The following ANO4 variants were observed in gnomAD, a reference collection of about 807,000 sequenced individuals.
ANO4 encodes anoctamin 4.
In ANO4, 69 loss-of-function variants were observed where a neutral mutation model predicts 141.9. The observed-to-expected ratio is 0.49, with a 90% CI of 0.40 to 0.59. ANO4 has a LOEUF of 0.59. ANO4 is among the 20% of genes least tolerant of loss of function. ANO4 has a pLI of 0.00. For missense variants in ANO4, 894 were observed against 1,162.2 expected (o/e 0.77, Z 3.36); for synonymous variants, 350 against 394.3 (o/e 0.89, Z 1.33).
intron 1 of ANO4, among the ~76,000 whole-genome samples, chr12:100,886,181 C>T (rs570236225): frequency 6.6e-6 from 1 of 152,142 alleles, no homozygotes; most frequent in East Asian, 1.9e-4. Flanking sequence ...TGAAGTAGAA[C>T]AGTATTCTTA....
At chr12:100,972,946 A>G (rs1408643629) in intron 6 of ANO4, among the ~76,000 whole-genome samples, 2 of 152,244 alleles carry the variant, frequency 1.3e-5, no homozygotes, top group African/African-American at 4.8e-5. Context: ...CATCATGAAT[A>G]ACACTTCTGC....
intron 5 of ANO4, among the ~76,000 whole-genome samples, chr12:100,960,757 T>C (rs1199807611): frequency 6.6e-6 from 1 of 152,214 alleles, no homozygotes; most frequent in Non-Finnish European, 1.5e-5. Flanking sequence ...TAGCGATTCA[T>C]GGGTTACTGA....
chr12:101,029,907 TAAA>T (rs59678820), intron 9 of ANO4, among the ~76,000 whole-genome samples: 3 of 96,200 alleles, frequency 3.1e-5, no homozygotes, highest in Admixed American at 2.3e-4. Context: ...AGTCTCCGTC[TAAA>T]AAAAAAAAAA....
intron 5 of ANO4, among the ~76,000 whole-genome samples, chr12:100,963,478 G>A (rs2043513218): frequency 6.6e-6 from 1 of 151,920 alleles, no homozygotes; most frequent in South Asian, 2.1e-4. Flanking sequence ...CCAGGACACT[G>A]TGTGTGTGTG....
chr12:100,782,806 G>A (rs915638528), intron 3 of ANO4, among the ~76,000 whole-genome samples: 2 of 152,148 alleles, frequency 1.3e-5, no homozygotes, highest in East Asian at 3.9e-4. Context: ...TATCCAAAGT[G>A]TACTGAGGCT....
chr12:101,069,098 G>C lies in ANO4; in HGVS notation c.1313-10095G>C. On this transcript the variant is annotated intron_variant, in intron 14 of 27. Coordinates refer to ENST00000392977, the MANE Select transcript of ANO4 (RefSeq NM_001286615.2). The stretch of plus-strand genomic sequence containing the variant: ...ATAGCTTTCCAAATCTGCAAAGGAA[G>C]AACTGATAAATTTCAAACGGAAGAA... 2.6e-6 allele frequency: 3 copies of C among 1,155,400 alleles called. No homozygotes were observed. The South Asian group carries it at 3.7e-5, about 14-fold the overall frequency. The allele number at this position is 1,155,400 out of a possible 1,614,324, so 71.6% of individuals were successfully genotyped here.
intron 1 of ANO4, among the ~76,000 whole-genome samples, chr12:100,851,350 T>C (rs2037862109): frequency 6.6e-6 from 1 of 152,180 alleles, no homozygotes; most frequent in African/African-American, 2.4e-5. Context: ...TAAATATCTA[T>C]CCCTGCCTAT....
In ANO4 at chr12:101,083,918, T is replaced by C. The variant is rs765139904; in HGVS notation, c.1536+100T>C. On this transcript the variant is annotated intron_variant, in intron 16 of 27. Coordinates refer to ENST00000392977, the MANE Select transcript of ANO4 (RefSeq NM_001286615.2). ...ATTTGCATTGTTCTACAAAATATTT[T>C]TGCACTTTGTTATTTATTCCTCACA... is the stretch of plus-strand genomic sequence containing the variant. 248 of 1,186,164 alleles carry C rather than the reference T, an allele frequency of 2.1e-4. No individual in the cohort carries two copies. In the Middle Eastern group the frequency reaches 2.2e-3, roughly 10 times the overall value. 73.5% of individuals were successfully genotyped at this position (1,186,164 alleles called of 1,614,324 possible).
chr12:101,125,341 G>A (rs974395284), intron 26 of ANO4, among the ~76,000 whole-genome samples: 1 of 152,106 alleles, frequency 6.6e-6, no homozygotes, highest in African/African-American at 2.4e-5. Flanking sequence ...TGCTGAAGTT[G>A]CTTATCAGCT....
intron 3 of ANO4, among the ~76,000 whole-genome samples, chr12:100,746,377 C>T (rs762548906): frequency 7.9e-5 from 12 of 150,964 alleles, no homozygotes; most frequent in African/African-American, 2.7e-4. Flanking sequence ...TGCTTGAACC[C>T]GGCAGGCGGA....
chr12:101,022,059 A>C (rs1001598761), intron 9 of ANO4, among the ~76,000 whole-genome samples: 2 of 147,710 alleles, frequency 1.4e-5, no homozygotes, highest in Admixed American at 6.8e-5. Context: ...AAAAAAAAAA[A>C]ACACCTACTT....
rs755019439 is a variant in ANO4 at position 100,901,754 on chromosome 12, C to T, written c.-32C>T. ...CGTCGCCTGCCTGTGGTCAGGCATT[C>T]CTCACTCCCACCAGGCAGAAGGTCA... On this transcript the variant is annotated 5_prime_UTR_variant, in exon 2 of 28. Transcript: ENST00000392977. 1.9e-6 allele frequency: 3 copies of T among 1,608,320 alleles called. No homozygotes were observed. Among genetic ancestry groups the T allele is most frequent in the South Asian group, 2.2e-5 (2 of 90,946 alleles).
chr12:101,114,202 A>C (rs1445348189), intron 24 of ANO4, among the ~76,000 whole-genome samples: 1 of 152,210 alleles, frequency 6.6e-6, no homozygotes, highest in Non-Finnish European at 1.5e-5. Flanking sequence ...CTTGCATGCC[A>C]CTAGCTGAAT....
chr12:100,907,719 A>G (rs1201406935), intron 2 of ANO4, among the ~76,000 whole-genome samples: 1 of 152,332 alleles, frequency 6.6e-6, no homozygotes, highest in Admixed American at 6.5e-5. Flanking sequence ...TAAGAAACTC[A>G]TCCCTAGCTA....
At chr12:100,860,951 A>C (rs559235381) in intron 1 of ANO4, among the ~76,000 whole-genome samples, 1 of 152,202 alleles carries the variant, frequency 6.6e-6, no homozygotes, top group Non-Finnish European at 1.5e-5. Context: ...ACAGCTCTTA[A>C]AGATGGCACA....
chr12:101,121,685 C>A (rs11110667), intron 26 of ANO4, among the ~76,000 whole-genome samples: 7,671 of 151,598 alleles, frequency 0.051, 620 homozygotes, highest in African/African-American at 0.17. Context: ...ACTAATTTAC[C>A]TTTCCACCAA....
At position 100,757,421 on chromosome 12, in the gene ANO4, T is replaced by A. The variant is rs187430681; in HGVS notation, c.358+17316T>A. 1.2e-3 allele frequency among the ~76,000 whole-genome samples: 187 copies of A among 152,334 alleles called. 1 individual carries two copies. Among genetic ancestry groups the A allele is most frequent in the African/African-American group, 4.4e-3 (183 of 41,588 alleles). On this transcript the variant is annotated intron_variant, in intron 3 of 29. Coordinates refer to the ANO4 transcript ENST00000644049. ...ATTGTGTTGTCTAGAGAACAAAGTT[T>A]ATTCTCTGTAATGCTTCATGATTGG...
rs144274871 is a variant in ANO4 at position 101,079,302 on chromosome 12, G to A, written c.1395+27G>A. On this transcript the variant is annotated intron_variant, in intron 15 of 27. Transcript: ENST00000392977. ...TTTGTATCATTTACCTCAGAATGTT[G>A]TAAAAAGCAAATCACCCAGAACCAC... 423 of 1,587,088 alleles carry A rather than the reference G, an allele frequency of 2.7e-4. No individual in the cohort carries two copies. The African/African-American group carries it at 5.1e-3, about 19-fold the overall frequency.
chr12:101,046,424 G>T (rs553636575), intron 13 of ANO4, among the ~76,000 whole-genome samples: 1 of 152,174 alleles, frequency 6.6e-6, no homozygotes, highest in Non-Finnish European at 1.5e-5. Context: ...AGAGAGGCTA[G>T]AGTAGAGCTT....
Sources: gnomAD v4.1 joint callset for allele counts (sites outside exome capture counted in the v4.1 genomes callset) on GRCh38, gnomAD v4.1.1 for gene constraint, MANE v1.5 for transcripts, NCBI Gene and HGNC (gene_info 2026-07-23, HGNC 2026-07-21) for gene names.